The following ZC3H12D variants were observed in gnomAD, a reference collection of about 807,000 sequenced individuals.
The protein encoded by ZC3H12D is probable ribonuclease ZC3H12D.
ZC3H12D carries 11 observed loss-of-function variants against 24.2 expected under a neutral mutation model. The ratio of observed to expected loss-of-function variants is 0.46; its 90% CI spans 0.29 to 0.75. ZC3H12D has a LOEUF of 0.75. ZC3H12D is among the 30% of genes least tolerant of loss of function. ZC3H12D has a pLI of 0.11. For missense variants in ZC3H12D, 740 were observed against 767.7 expected (o/e 0.96, Z 0.43); for synonymous variants, 333 against 341.8 (o/e 0.97, Z 0.28).
intron 4 of ZC3H12D, among the ~76,000 whole-genome samples, chr6:149,453,234 A>G (rs1775929199): frequency 1.3e-5 from 2 of 150,836 alleles, no homozygotes; most frequent in Non-Finnish European, 2.9e-5. Flanking sequence ...TGGGAGATGG[A>G]GGCTGCAGTG....
At chr6:149,460,462 A>G (rs1737337) in intron 3 of ZC3H12D, among the ~76,000 whole-genome samples, 55,339 of 152,050 alleles carry the variant, frequency 0.36, 10,605 homozygotes, top group African/African-American at 0.46. Flanking sequence ...TTGGGAGGCC[A>G]AGGCAGAGGG....
Position 149,469,731 on chromosome 6 carries a change from A to T in ZC3H12D, c.305+4508T>A, listed in dbSNP as rs1776215425. Among the ~76,000 whole-genome samples, 3 of 152,156 alleles carry T rather than the reference A, an allele frequency of 2.0e-5. No homozygotes were observed. The South Asian group carries it at 6.2e-4, about 32-fold the overall frequency. On this transcript the variant is annotated intron_variant, in intron 2 of 5. Transcript: ENST00000409806. ...AAATCAGTCTTTGGGCTGCTAGTCC[A>T]TGAGAGCTACTATTTGAGGCACATG...
intron 1 of ZC3H12D, among the ~76,000 whole-genome samples, chr6:149,482,411 C>T (rs143866123): frequency 1.3e-5 from 2 of 152,336 alleles, no homozygotes; most frequent in Non-Finnish European, 2.9e-5. Flanking sequence ...TTCCTTCCTC[C>T]GTCCTGACTG....
intron 4 of ZC3H12D, among the ~76,000 whole-genome samples, chr6:149,454,884 GC>G (rs1554268934): frequency 6.6e-6 from 1 of 152,248 alleles, no homozygotes; most frequent in Non-Finnish European, 1.5e-5. Context: ...CCTGCAGGGC[GC>G]TGCTGCCATG....
At chr6:149,461,325 G>A (rs546545322) in intron 3 of ZC3H12D, among the ~76,000 whole-genome samples, 180 of 141,510 alleles carry the variant, frequency 1.3e-3, no homozygotes, top group Non-Finnish European at 2.0e-3. Flanking sequence ...TGGCGACAGA[G>A]CAAGATTTGG....
At chr6:149,462,017 T>G (rs1315883005) in intron 2 of ZC3H12D, 47 bp from the exon 3 acceptor site, 34 of 1,578,622 alleles carry the variant, frequency 2.2e-5, no homozygotes, top group Non-Finnish European at 2.8e-5. Context: ...CAAGTGTTCC[T>G]AAGAGTGATT....
In ZC3H12D at chr6:149,454,522, G is replaced by C. The variant is rs146247416; in HGVS notation, c.681-1800C>G. Among the ~76,000 whole-genome samples, 945 of 152,332 alleles carry C rather than the reference G, an allele frequency of 6.2e-3. 10 individuals carry two copies. Among genetic ancestry groups the C allele is most frequent in the African/African-American group, 0.022 (898 of 41,582 alleles). On this transcript the variant is annotated intron_variant, in intron 4 of 5. Coordinates refer to ENST00000409806, the MANE Select transcript of ZC3H12D (RefSeq NM_207360.3). Reference sequence around the variant, plus strand: ...ATTGGGCCTTGACCAAGAATCTGGGGAACCGCCCACTGTGGTTATTAAACG... The same window carrying C: ...ATTGGGCCTTGACCAAGAATCTGGGCAACCGCCCACTGTGGTTATTAAACG...
chr6:149,450,511 C>A lies in ZC3H12D; in HGVS notation c.*172G>T. 1.5e-6 allele frequency: 1 copy of A among 680,722 alleles called. No individual in the cohort carries two copies. The highest frequency in any genetic ancestry group is 2.3e-6 in the Non-Finnish European group (1 of 430,626). 42.2% of individuals were successfully genotyped at this position (680,722 alleles called of 1,614,324 possible). ...GGCCTCAGTGAGGATCACCAAGTGC[C>A]ACCAGGCCCCCACAACCCCGCTCAG... On this transcript the variant is annotated 3_prime_UTR_variant, in exon 6 of 6. Coordinates refer to ENST00000409806, the MANE Select transcript of ZC3H12D (RefSeq NM_207360.3).
At position 149,451,340 on chromosome 6, in the gene ZC3H12D, C is replaced by T; in HGVS notation, c.927G>A (p.Pro309=). Reference sequence around the variant, plus strand: ...CTCCTGCGGAGCCGCCCGGGGCTCTCGGTGGCCGCTGCTCCTCGGCGCCCG... The same window carrying T: ...CTCCTGCGGAGCCGCCCGGGGCTCTTGGTGGCCGCTGCTCCTCGGCGCCCG... ...PGAGAEEQRP[P]RAPGGSAGAR... Residue 309 remains proline (P), a synonymous_variant, in exon 6 of 6, where the codon CCG becomes CCA. Transcript: ENST00000409806. The T allele has an allele frequency of 6.9e-7, 1 of 1,449,732 alleles. No homozygotes were observed. The highest frequency in any genetic ancestry group is 2.9e-5 in the East Asian group (1 of 33,980). 89.8% of individuals were successfully genotyped at this position (1,449,732 alleles called of 1,614,324 possible).
intron 2 of ZC3H12D, among the ~76,000 whole-genome samples, chr6:149,471,857 C>T (rs893545123): frequency 6.6e-6 from 1 of 152,244 alleles, no homozygotes; most frequent in Non-Finnish European, 1.5e-5. Flanking sequence ...GAACAGGTGT[C>T]CCACTCAGTC....
chr6:149,474,329 C>A lies in ZC3H12D; in HGVS notation c.215G>T (p.Arg72Leu). ...GSCGVPDSAQ[R>L]GPGTALEEDF... ...CTCTTCCAGGGCTGTCCCCGGGCCA[C>A]GCTGGGCAGAGTCCGGGACCCCACA... is the stretch of plus-strand genomic sequence containing the variant. The change falls in exon 2 of 6, where the codon CGT (arginine) becomes CTT (leucine). Residue 72 changes from arginine (R) to leucine (L), a missense_variant. Transcript: ENST00000409806. 6.3e-7 allele frequency: 1 copy of A among 1,599,742 alleles called. No individual in the cohort carries two copies. Among genetic ancestry groups the A allele is most frequent in the Non-Finnish European group, 8.5e-7 (1 of 1,169,828 alleles).
At chr6:149,472,856 T>A (rs1373763746) in intron 2 of ZC3H12D, among the ~76,000 whole-genome samples, 1 of 151,894 alleles carries the variant, frequency 6.6e-6, no homozygotes, top group Non-Finnish European at 1.5e-5. Context: ...GGGAAAGAGG[T>A]TCCTTGCTCA....
At chr6:149,468,938 T>C (rs1184172654) in intron 2 of ZC3H12D, among the ~76,000 whole-genome samples, 2 of 152,100 alleles carry the variant, frequency 1.3e-5, no homozygotes, top group Admixed American at 6.6e-5. Context: ...GCCTGCAGAG[T>C]GTCCTGAGAG....
chr6:149,468,315 G>A (rs1776192876), intron 2 of ZC3H12D, among the ~76,000 whole-genome samples: 1 of 152,224 alleles, frequency 6.6e-6, no homozygotes, highest in Non-Finnish European at 1.5e-5. Flanking sequence ...AAGGTACAAA[G>A]AGGAAGTGGG....
chr6:149,451,130 C>A lies in ZC3H12D; in HGVS notation c.1137G>T (p.Val379=). The A allele has an allele frequency of 7.4e-7, 1 of 1,344,578 alleles. No homozygotes were observed. Among genetic ancestry groups the A allele is most frequent in the Non-Finnish European group, 9.5e-7 (1 of 1,053,812 alleles). 83.3% of individuals were successfully genotyped at this position (1,344,578 alleles called of 1,614,324 possible). Residue 379 remains valine (V), a synonymous_variant, in exon 6 of 6, where the codon GTG becomes GTT. Transcript: ENST00000409806. Reference sequence around the variant, plus strand: ...GGCCTGGCACCCGGCCGCCCGCGGACACCCAGTCGGGCCCGCCCAGTCGGG... The same window carrying A: ...GGCCTGGCACCCGGCCGCCCGCGGAAACCCAGTCGGGCCCGCCCAGTCGGG... The part of the protein sequence containing the change: ...LTPRLGGPDW[V]SAGGRVPGPL...
chr6:149,462,439 T>C (rs999329781), intron 2 of ZC3H12D, among the ~76,000 whole-genome samples: 4 of 151,812 alleles, frequency 2.6e-5, no homozygotes, highest in Admixed American at 2.0e-4. Context: ...ACTTTAAAGA[T>C]AGTTCATTCT....
In ZC3H12D at chr6:149,451,421, G is replaced by C. The variant is rs1775893368; in HGVS notation, c.846C>G (p.His282Gln). The change falls in exon 6 of 6, where the codon CAC becomes CAG. Residue 282 changes from histidine to glutamine, a missense_variant. By Grantham distance (24) the His-to-Gln change is conservative. Coordinates refer to ENST00000409806, the MANE Select transcript of ZC3H12D (RefSeq NM_207360.3). ...CKFYHPERPH[H>Q]AQLAVADELR... ...GCTCGTCGGCCACCGCCAGTTGCGC[G>C]TGGTGCGGCCTCTCCGGGTGGTAGA... The C allele has an allele frequency of 6.4e-7, 1 of 1,573,008 alleles. No homozygotes were observed.
intron 2 of ZC3H12D, among the ~76,000 whole-genome samples, chr6:149,466,220 G>C (rs56390023): frequency 0.015 from 2,220 of 151,988 alleles, 51 homozygotes; most frequent in African/African-American, 0.052. Context: ...AGAACCCAGT[G>C]AGGGCCCCAG....
At chr6:149,473,794 G>A (rs540191275) in intron 2 of ZC3H12D, among the ~76,000 whole-genome samples, 1 of 152,274 alleles carries the variant, frequency 6.6e-6, no homozygotes, top group East Asian at 1.9e-4. Context: ...TCACAGAAGA[G>A]GAAATGAGTC....
Sources: allele counts gnomAD v4.1 joint callset (sites outside exome capture counted in the v4.1 genomes callset), GRCh38; gene constraint gnomAD v4.1.1; transcripts MANE v1.5; gene names NCBI Gene and HGNC (gene_info 2026-07-23, HGNC 2026-07-21).